MEI4: variants seen among roughly 807,000 people sequenced by gnomAD.
MEI4 encodes meiosis-specific protein MEI4.
In MEI4, 27 loss-of-function variants were observed where a neutral mutation model predicts 31.4. The ratio of observed to expected loss-of-function variants is 0.86; its 90% CI spans 0.63 to 1.19. The LOEUF (loss-of-function observed/expected upper bound fraction) is 1.19, where lower values mean the gene tolerates loss of function less well. Among genes scored for constraint, MEI4 ranks in the 50% most tolerant of loss-of-function variants. The pLI is 0.00. For synonymous variants in MEI4, 122 were observed against 145.4 expected (o/e 0.84, Z 1.16); for missense variants, 329 against 398.9 (o/e 0.82, Z 1.49).
chr6:77,852,915 G>T, intron 4 of MEI4, among the ~76,000 whole-genome samples: 1 of 152,120 alleles, frequency 6.6e-6, no homozygotes, highest in Admixed American at 6.6e-5. Flanking sequence ...AGACAGATTA[G>T]GCCGGGTGTG....
At chr6:77,922,340 C>T (rs932774136) in intron 4 of MEI4, among the ~76,000 whole-genome samples, 8 of 151,632 alleles carry the variant, frequency 5.3e-5, no homozygotes, top group Non-Finnish European at 1.0e-4. Flanking sequence ...GTCTACTTTT[C>T]AGAGGATCCA....
At chr6:77,730,059 A>G (rs1216832479) in intron 2 of MEI4, among the ~76,000 whole-genome samples, 1 of 152,074 alleles carries the variant, frequency 6.6e-6, no homozygotes, top group African/African-American at 2.4e-5. Flanking sequence ...TGGCAAACAA[A>G]GTCAGGCAAA....
At chr6:77,817,570 T>C (rs141491027) in intron 3 of MEI4, among the ~76,000 whole-genome samples, 211 of 152,294 alleles carry the variant, frequency 1.4e-3, no homozygotes, top group African/African-American at 4.4e-3. Context: ...ATAATTAATT[T>C]AGCCTTTATA....
intron 2 of MEI4, among the ~76,000 whole-genome samples, chr6:77,736,890 C>G (rs771704730): frequency 6.6e-6 from 1 of 151,194 alleles, no homozygotes; most frequent in Non-Finnish European, 1.5e-5. Context: ...AGTTGCTTGC[C>G]TTTAAGGATG....
At chr6:77,812,400 T>A in intron 3 of MEI4, among the ~76,000 whole-genome samples, 1 of 152,122 alleles carries the variant, frequency 6.6e-6, no homozygotes, top group East Asian at 1.9e-4. Context: ...GAGATGATGA[T>A]GATGATGTTG....
intron 4 of MEI4, among the ~76,000 whole-genome samples, chr6:77,899,068 A>G (rs2127734570): frequency 6.6e-6 from 1 of 152,146 alleles, no homozygotes; most frequent in South Asian, 2.1e-4. Context: ...TCTCAAGCTT[A>G]CAAAGAAGCT....
chr6:77,809,711 A>C (rs773451118), intron 3 of MEI4, among the ~76,000 whole-genome samples: 9 of 152,326 alleles, frequency 5.9e-5, no homozygotes, highest in Middle Eastern at 3.4e-3. Flanking sequence ...TCATTCTATC[A>C]AGTCAAACTA....
chr6:77,800,895 A>C (rs949841030), intron 3 of MEI4, among the ~76,000 whole-genome samples: 10 of 152,322 alleles, frequency 6.6e-5, no homozygotes, highest in African/African-American at 2.4e-4. Flanking sequence ...TTGGTTTCCC[A>C]GTATTTTATT....
intron 3 of MEI4, among the ~76,000 whole-genome samples, chr6:77,803,246 T>G (rs1438609470): frequency 6.6e-6 from 1 of 152,220 alleles, no homozygotes; most frequent in African/African-American, 2.4e-5. Context: ...TGATACCCTT[T>G]CTTCCAGTTG....
chr6:77,891,209 A>G lies in MEI4; in HGVS notation c.901-31880A>G, dbSNP rs117973475. 4.9e-4 allele frequency among the ~76,000 whole-genome samples: 74 copies of G among 152,274 alleles called. No homozygotes were observed. In the East Asian group the frequency reaches 8.7e-3, roughly 18 times the overall value. On this transcript the variant is annotated intron_variant, in intron 4 of 4. Coordinates refer to ENST00000684080, the MANE Select transcript of MEI4 (RefSeq NM_001322247.2). ...TGCAAGACTTGGGAAGTTTTCTGCT[A>G]TTAATTTGTTAAATATGTTTTCTAT...
At chr6:77,856,540 A>G (rs1308498183) in intron 4 of MEI4, among the ~76,000 whole-genome samples, 2 of 98,854 alleles carry the variant, frequency 2.0e-5, no homozygotes, top group African/African-American at 9.4e-5. Context: ...AGTAATGAAA[A>G]CCACCTATTT....
chr6:77,892,737 G>A (rs1765989299), intron 4 of MEI4, among the ~76,000 whole-genome samples: 1 of 152,144 alleles, frequency 6.6e-6, no homozygotes, highest in Non-Finnish European at 1.5e-5. Flanking sequence ...TGTCACTGCA[G>A]CTCTCTGGAT....
rs998087438 is a variant in MEI4, at chr6:77,659,718, G to T, written c.-15+6626G>T. On this transcript the variant is annotated intron_variant, in intron 1 of 4. Transcript: ENST00000684080. The stretch of plus-strand genomic sequence containing the variant: ...AATTACTGCTAATGTTTTTAAGTTT[G>T]TCAGTATTGATAGAGGGCTTGTCTG... Among the ~76,000 whole-genome samples, 38 of 152,240 alleles carry T rather than the reference G, an allele frequency of 2.5e-4. No individual in the cohort carries two copies. In the South Asian group the frequency reaches 2.7e-3, roughly 11 times the overall value.
chr6:77,835,069 A>G (rs1257370267), intron 4 of MEI4, among the ~76,000 whole-genome samples: 3 of 151,172 alleles, frequency 2.0e-5, no homozygotes, highest in Admixed American at 6.6e-5. Flanking sequence ...CACCAGCCTG[A>G]TCGAACCCTG....
At chr6:77,659,003 G>T (rs1461875489) in intron 1 of MEI4, among the ~76,000 whole-genome samples, 15 of 152,036 alleles carry the variant, frequency 9.9e-5, no homozygotes, top group Non-Finnish European at 2.1e-4. Context: ...TCAAGGCCTC[G>T]GCGGTTTTGG....
chr6:77,709,393 G>C (rs1055412828), intron 2 of MEI4, among the ~76,000 whole-genome samples: 1 of 152,090 alleles, frequency 6.6e-6, no homozygotes, highest in East Asian at 1.9e-4. Context: ...ATGTTTCTGG[G>C]CTTGATATTT....
chr6:77,835,008 C>T lies in MEI4; in HGVS notation c.900+5946C>T, dbSNP rs114377122. Among the ~76,000 whole-genome samples, 682 of 152,162 alleles carry T rather than the reference C, an allele frequency of 4.5e-3. 3 individuals are homozygous for T. The highest frequency in any genetic ancestry group is 0.014 in the African/African-American group (564 of 41,520). ...ATCTGAAGCTATGCAAACTTTCAGG[C>T]GTTCCAAGAGAGTTTTTGACTATTA... On this transcript the variant is annotated intron_variant, in intron 4 of 4. Transcript: ENST00000684080.
chr6:77,693,911 GAC>G (rs1769206903), intron 2 of MEI4, among the ~76,000 whole-genome samples: 1 of 152,050 alleles, frequency 6.6e-6, no homozygotes, highest in Admixed American at 6.6e-5. Context: ...AGTGTGTAGA[GAC>G]AGAAAGTACT....
chr6:77,895,800 G>C (rs1176491368), intron 4 of MEI4, among the ~76,000 whole-genome samples: 1 of 152,106 alleles, frequency 6.6e-6, no homozygotes, highest in African/African-American at 2.4e-5. Flanking sequence ...AATGCAGACA[G>C]ACACGTAAAG....
Sources: gnomAD v4.1 joint callset for allele counts (sites outside exome capture counted in the v4.1 genomes callset) on GRCh38, gnomAD v4.1.1 for gene constraint, MANE v1.5 for transcripts, NCBI Gene and HGNC (gene_info 2026-07-23, HGNC 2026-07-21) for gene names.